Variants in NAV1 observed in about 807,000 individuals in gnomAD.
NAV1 encodes neuron navigator 1.
In NAV1, 18 loss-of-function variants were observed where a neutral mutation model predicts 175.2. That is an observed-to-expected ratio of 0.10 (90% CI 0.07 to 0.15). NAV1 has a LOEUF of 0.15. NAV1 is among the 10% of genes least tolerant of loss of function. NAV1 has a pLI of 1.00. For synonymous variants in NAV1, 897 were observed against 978.7 expected (o/e 0.92, Z 1.56); for missense variants, 1,731 against 2,436.6 (o/e 0.71, Z 6.10).
intron 3 of NAV1, among the ~76,000 whole-genome samples, chr1:201,763,586 C>T (rs1230428332): frequency 2.0e-5 from 3 of 152,154 alleles, no homozygotes; most frequent in Non-Finnish European, 2.9e-5. Flanking sequence ...TGTGGCCAGC[C>T]GAGTCAGCAT....
At chr1:201,710,930 C>T (rs1389301056) in intron 1 of NAV1, among the ~76,000 whole-genome samples, 2 of 152,170 alleles carry the variant, frequency 1.3e-5, no homozygotes, top group African/African-American at 4.8e-5. Flanking sequence ...CTCATGTCTG[C>T]CAAGCCCATA....
chr1:201,649,425 G>A (rs757646612), exon 1 of NAV1: 25 of 1,535,258 alleles, frequency 1.6e-5, no homozygotes, highest in Non-Finnish European at 2.2e-5. Context: ...CCAGATGCTG[G>A]GTAAGTCCTG....
At chr1:201,625,271 A>T (rs1668297205) in intron 1 of NAV1, among the ~76,000 whole-genome samples, 1 of 152,220 alleles carries the variant, frequency 6.6e-6, no homozygotes, top group African/African-American at 2.4e-5. Flanking sequence ...AAGGGCTGTC[A>T]TGTTGTAAGA....
At chr1:201,790,704 C>T (rs754496572) in exon 13 of NAV1, 4 of 1,614,106 alleles carry the variant, frequency 2.5e-6, no homozygotes, top group South Asian at 1.1e-5. Context: ...CCGGAAGCTT[C>T]GTAGGGAACT....
chr1:201,696,519 A>T (rs529696686), intron 1 of NAV1, among the ~76,000 whole-genome samples: 1 of 152,192 alleles, frequency 6.6e-6, no homozygotes, highest in Non-Finnish European at 1.5e-5. Context: ...ACTGGCTGGC[A>T]GCCCGATGTC....
intron 11 of NAV1, 143 bp from the exon 16 acceptor site, chr1:201,790,411 G>C (rs1213812853): frequency 1.1e-6 from 1 of 885,534 alleles, no homozygotes; most frequent in African/African-American, 1.7e-5. Flanking sequence ...GCCAGGGCCA[G>C]GAAACAAGAG....
intron 3 of NAV1, among the ~76,000 whole-genome samples, chr1:201,729,298 T>C (rs1672746217): frequency 6.6e-6 from 1 of 152,222 alleles, no homozygotes; most frequent in South Asian, 2.1e-4. Flanking sequence ...TAAGCAAGAA[T>C]ACGAATACGG....
intron 1 of NAV1, among the ~76,000 whole-genome samples, chr1:201,705,647 T>C (rs569348096): frequency 2.6e-5 from 4 of 152,210 alleles, no homozygotes; most frequent in Admixed American, 1.3e-4. Context: ...GAGGGAAAGA[T>C]AGGATTAGTA....
chr1:201,592,761 G>A lies in NAV1; in HGVS notation c.-33+4112G>A, dbSNP rs901159040. On this transcript the variant is annotated intron_variant, in intron 2 of 33. Coordinates refer to the NAV1 transcript ENST00000685211. Reference sequence around the variant, plus strand: ...ACAGGTCTTGGGGTCCAGGTGGCAAGATGATAGCACCTTGCAGAAAGGGGT... The same window carrying A: ...ACAGGTCTTGGGGTCCAGGTGGCAAAATGATAGCACCTTGCAGAAAGGGGT... 7.4e-4 allele frequency among the ~76,000 whole-genome samples: 113 copies of A among 152,134 alleles called. 2 individuals carry two copies. The highest frequency in any genetic ancestry group is 1.9e-4 in the Non-Finnish European group (13 of 68,022).
At chr1:201,753,452 G>A (rs1158925217) in intron 3 of NAV1, among the ~76,000 whole-genome samples, 2 of 152,310 alleles carry the variant, frequency 1.3e-5, no homozygotes, top group African/African-American at 2.4e-5. Flanking sequence ...GTCTGCGATT[G>A]AAGAGTGGTT....
chr1:201,797,588 AT>A (rs1677538378), intron 15 of NAV1: 17 of 152,204 alleles, frequency 1.1e-4, no homozygotes, highest in Admixed American at 6.5e-5. Flanking sequence ...CTGTATATCA[AT>A]TTAGAGAGTA....
intron 3 of NAV1, among the ~76,000 whole-genome samples, chr1:201,774,705 C>T (rs983886922): frequency 1.3e-5 from 2 of 152,196 alleles, no homozygotes; most frequent in African/African-American, 4.8e-5. Context: ...CTCGTCACCT[C>T]TCTCTACTCA....
intron 3 of NAV1, among the ~76,000 whole-genome samples, chr1:201,769,454 GC>G (rs2102664971): frequency 6.6e-6 from 1 of 152,290 alleles, no homozygotes; most frequent in South Asian, 2.1e-4. Flanking sequence ...TTACCGCTCT[GC>G]CCCATTTGAT....
chr1:201,659,199 C>A (rs1669516955), intron 1 of NAV1, among the ~76,000 whole-genome samples: 1 of 152,214 alleles, frequency 6.6e-6, no homozygotes, highest in South Asian at 2.1e-4. Flanking sequence ...GCACGCTATT[C>A]AGTGGCAGGC....
chr1:201,584,793 T>C (rs141277877), intron 1 of NAV1, among the ~76,000 whole-genome samples: 9 of 152,220 alleles, frequency 5.9e-5, no homozygotes, highest in Non-Finnish European at 1.3e-4. Context: ...AGTTCACTCA[T>C]CTGCCCCTGA....
rs533936820 is a variant in NAV1, at chr1:201,722,920, A to G, written c.1226+4165A>G. Among the ~76,000 whole-genome samples the G allele has an allele frequency of 2.6e-4, 39 of 152,358 alleles. No homozygotes were observed. In the South Asian group the frequency reaches 8.1e-3, roughly 32 times the overall value. On this transcript the variant is annotated intron_variant, in intron 3 of 29. Coordinates refer to ENST00000367296, the Ensembl canonical transcript of NAV1. ...CAGGAGTTGGAGACCAGTCCGGCCA[A>G]CTGGTGTGGGGTGAAACCCCATCTC...
chr1:201,642,363 C>T (rs1252081903), intron 2 of NAV1, among the ~76,000 whole-genome samples: 3 of 151,938 alleles, frequency 2.0e-5, no homozygotes, highest in African/African-American at 7.3e-5. Flanking sequence ...CAGTCGCCCG[C>T]CACCACACCC....
intron 1 of NAV1, among the ~76,000 whole-genome samples, chr1:201,690,607 C>T (rs1347664114): frequency 4.7e-5 from 6 of 126,778 alleles, no homozygotes; most frequent in African/African-American, 6.1e-5. Context: ...CTCTGTGGCT[C>T]GTCTGTGGCA....
At chr1:201,797,252 G>A (rs1571502704) in intron 15 of NAV1, 1 of 152,218 alleles carries the variant, frequency 6.6e-6, no homozygotes, top group Non-Finnish European at 1.5e-5. Flanking sequence ...TTCCCCCACT[G>A]AATTGTCTTG....
Sources: gnomAD v4.1 joint callset for allele counts (sites outside exome capture counted in the v4.1 genomes callset) on GRCh38, gnomAD v4.1.1 for gene constraint, MANE v1.5 for transcripts, NCBI Gene and HGNC (gene_info 2026-07-23, HGNC 2026-07-21) for gene names.